Variants in STAG2 observed in about 807,000 individuals in gnomAD.
The protein encoded by STAG2 is cohesin subunit SA-2.
STAG2 carries 14 observed loss-of-function variants against 108.1 expected under a neutral mutation model. That is an observed-to-expected ratio of 0.13 (90% CI 0.09 to 0.20). The LOEUF is 0.20. Among genes scored for constraint, STAG2 ranks in the 10% least tolerant of loss-of-function variants. The pLI, the probability that STAG2 is intolerant of heterozygous loss-of-function variation, is 1.00. For synonymous variants in STAG2, 307 were observed against 302.7 expected, an observed-to-expected ratio of 1.01 and a Z score of -0.15; for missense variants, 440 against 940.9, an observed-to-expected ratio of 0.47 and a Z score of 6.96.
At chrX:124,042,473 G>A (rs1245138904) in intron 6 of STAG2, 96 bp from the exon 7 acceptor site, 7 of 552,013 alleles carry the variant, frequency 1.3e-5, no homozygotes, top group East Asian at 6.9e-5. Flanking sequence ...CTTTTATTGT[G>A]TGACCATAGA....
At position 124,066,143 on chromosome X, in the gene STAG2, ATTTTTTTTTTTTTT is replaced by A. The variant is rs748906058; in HGVS notation, c.2097-18_2097-5del. 8.5e-6 allele frequency: 5 copies of A among 590,490 alleles called. No homozygotes were observed. The Admixed American group carries it at 1.8e-4, about 21-fold the overall frequency. 48.7% of individuals were successfully genotyped at this position (590,490 alleles called of 1,213,427 possible). On this transcript the variant is annotated intron_variant, in intron 21 of 34. Coordinates refer to ENST00000371145, the MANE Select transcript of STAG2 (RefSeq NM_001042750.2). Reference sequence around the variant, plus strand: ...AGGCTTAGCTTTTTAATAAAACTTAATTTTTTTTTTTTTTTTTTTTTTTTTTTACAGTGCCCATG... The same window carrying A: ...AGGCTTAGCTTTTTAATAAAACTTAATTTTTTTTTTTTTACAGTGCCCATG...
chrX:124,050,126 A>G, intron 10 of STAG2, 60 bp from the exon 11 acceptor site: 1 of 1,163,111 alleles, frequency 8.6e-7, no homozygotes, highest in Non-Finnish European at 1.2e-6. Flanking sequence ...TCTTGAATAA[A>G]CCATAAGTTT....
At chrX:123,970,309 A>C (rs1426430391) in intron 1 of STAG2, among the ~76,000 whole-genome samples, 1 of 110,010 alleles carries the variant, frequency 9.1e-6, no homozygotes, top group African/African-American at 3.3e-5. Context: ...GTATATTATA[A>C]ATTAGTTTCT....
At chrX:124,079,160 A>G (rs1410652406) in intron 27 of STAG2, among the ~76,000 whole-genome samples, 2 of 102,505 alleles carry the variant, frequency 2.0e-5, no homozygotes, top group African/African-American at 7.2e-5. Flanking sequence ...TTCTTTTGAG[A>G]CGGAGTCTCG....
chrX:124,028,220 C>T (rs1159941350), intron 4 of STAG2, among the ~76,000 whole-genome samples: 1 of 111,328 alleles, frequency 9.0e-6, no homozygotes, highest in Non-Finnish European at 1.9e-5. Flanking sequence ...AGCAGTCTCC[C>T]TTATTCTCAG....
At chrX:123,989,047 G>A (rs989905308) in intron 1 of STAG2, among the ~76,000 whole-genome samples, 15 of 111,263 alleles carry the variant, frequency 1.3e-4, no homozygotes, top group African/African-American at 4.6e-4. Context: ...AGAGTTCCCT[G>A]TACTGTATGT....
intron 1 of STAG2, among the ~76,000 whole-genome samples, chrX:124,020,892 G>A (rs1408863920): frequency 9.0e-6 from 1 of 111,555 alleles, no homozygotes; most frequent in Non-Finnish European, 1.9e-5. Flanking sequence ...GGCTGGTCTG[G>A]AACTCCTCAC....
chrX:124,046,389 A>G (rs184593298), intron 8 of STAG2, among the ~76,000 whole-genome samples: 1 of 112,203 alleles, frequency 8.9e-6, no homozygotes, highest in East Asian at 2.8e-4. Flanking sequence ...AGCAATGTCA[A>G]TAACTTGATG....
intron 1 of STAG2, among the ~76,000 whole-genome samples, chrX:124,009,144 CCTTT>C (rs1166126466): frequency 3.6e-5 from 4 of 110,976 alleles, no homozygotes; most frequent in African/African-American, 1.3e-4. Context: ...TATTTCGCCT[CCTTT>C]CTTAGCATCT....
chrX:124,017,235 A>T (rs2056760750), intron 1 of STAG2, among the ~76,000 whole-genome samples: 1 of 106,964 alleles, frequency 9.3e-6, no homozygotes, highest in African/African-American at 3.4e-5. Flanking sequence ...ATGGAGATGG[A>T]GTCTCACTCT....
intron 1 of STAG2, among the ~76,000 whole-genome samples, chrX:124,001,171 A>T (rs1251067330): frequency 1.8e-5 from 2 of 110,960 alleles, no homozygotes; most frequent in Admixed American, 9.6e-5. Flanking sequence ...GCTCACTGCA[A>T]CCTCGGCCTT....
intron 1 of STAG2, among the ~76,000 whole-genome samples, chrX:124,009,054 C>T (rs1174339300): frequency 9.0e-6 from 1 of 111,103 alleles, no homozygotes; most frequent in Non-Finnish European, 1.9e-5. Context: ...TCAAGTCTAT[C>T]CAAAACAAAA....
intron 1 of STAG2, among the ~76,000 whole-genome samples, chrX:124,011,769 C>G (rs1208349061): frequency 9.1e-6 from 1 of 110,383 alleles, no homozygotes; most frequent in Admixed American, 9.7e-5. Flanking sequence ...TCTTTCTCTT[C>G]TAAAGCCACC....
chrX:124,039,579 A>ATGAG (rs1167056172), intron 6 of STAG2, among the ~76,000 whole-genome samples: 1 of 108,109 alleles, frequency 9.2e-6, no homozygotes, highest in Non-Finnish European at 1.9e-5. Flanking sequence ...CCTTCCTGGC[A>ATGAG]TGAGTGAGTT....
rs1406049978 is a variant in STAG2 at position 124,071,591 on chromosome X, A to G, written c.2533+268A>G. ...TCTAACTACCTCATAAAACTGTTAAAAATTGAGTCAAATGACTAGTACAGT... is the reference window on the plus strand; with the variant it reads ...TCTAACTACCTCATAAAACTGTTAAGAATTGAGTCAAATGACTAGTACAGT... On this transcript the variant is annotated intron_variant, in intron 25 of 34. Coordinates refer to ENST00000371145, the MANE Select transcript of STAG2 (RefSeq NM_001042750.2). Among the ~76,000 whole-genome samples, 8 of 111,622 alleles carry G rather than the reference A, an allele frequency of 7.2e-5. No homozygotes were observed. The Admixed American group carries it at 7.6e-4, about 11-fold the overall frequency.
chrX:124,028,820 ATAT>A (rs1212610242), intron 4 of STAG2, among the ~76,000 whole-genome samples: 30 of 27,768 alleles, frequency 1.1e-3, no homozygotes, highest in African/African-American at 2.8e-3. Context: ...ATATATATAT[ATAT>A]TTTTTTTTTT....
chrX:123,986,310 G>C (rs974177918), intron 1 of STAG2, among the ~76,000 whole-genome samples: 1 of 109,193 alleles, frequency 9.2e-6, no homozygotes, highest in Non-Finnish European at 1.9e-5. Context: ...TCCAACCCAG[G>C]TCTCTTCCTT....
chrX:124,028,310 G>A (rs969118339), intron 4 of STAG2, among the ~76,000 whole-genome samples: 3 of 111,123 alleles, frequency 2.7e-5, no homozygotes, highest in African/African-American at 9.8e-5. Flanking sequence ...TTTCAATATG[G>A]TAACCAAAAT....
intron 1 of STAG2, among the ~76,000 whole-genome samples, chrX:123,994,573 A>G (rs909081074): frequency 2.7e-5 from 3 of 112,162 alleles, no homozygotes; most frequent in Non-Finnish European, 5.6e-5. Context: ...TTTTTATTGC[A>G]TGTATTGAAT....
Sources: allele counts gnomAD v4.1 joint callset (sites outside exome capture counted in the v4.1 genomes callset), GRCh38; gene constraint gnomAD v4.1.1; transcripts MANE v1.5; gene names NCBI Gene and HGNC (gene_info 2026-07-23, HGNC 2026-07-21).